Variants in FBXL13 observed in about 807,000 individuals in gnomAD.
The protein encoded by FBXL13 is F-box and leucine rich repeat protein 13.
Under a neutral mutation model 83.6 loss-of-function variants are expected in FBXL13, and 67 were observed. The observed-to-expected ratio is 0.80, with a 90% CI of 0.66 to 0.98. The LOEUF (loss-of-function observed/expected upper bound fraction) is 0.98, where lower values mean the gene tolerates loss of function less well. Ranked by LOEUF, FBXL13 falls within the 50% of genes least tolerant of loss-of-function variation. The pLI, the probability that FBXL13 is intolerant of heterozygous loss-of-function variation, is 0.00. For missense variants in FBXL13, 822 were observed against 866.5 expected (o/e 0.95, Z 0.64); for synonymous variants, 272 against 299.5 (o/e 0.91, Z 0.95).
intron 17 of FBXL13, among the ~76,000 whole-genome samples, chr7:102,847,770 C>G (rs1804285279): frequency 6.6e-6 from 1 of 151,994 alleles, no homozygotes; most frequent in African/African-American, 2.4e-5. Flanking sequence ...CTCAGGTAAC[C>G]CACCCACCTC....
chr7:103,055,008 C>T (rs1353634527), intron 2 of FBXL13, 80 bp downstream of exon 3: 25 of 872,342 alleles, frequency 2.9e-5, no homozygotes, highest in Non-Finnish European at 3.8e-5. Flanking sequence ...CTCACACCTC[C>T]CATAAATATA....
chr7:102,918,493 A>C (rs4457268), intron 10 of FBXL13, among the ~76,000 whole-genome samples: 8 of 152,242 alleles, frequency 5.3e-5, no homozygotes, highest in African/African-American at 1.9e-4. Flanking sequence ...ATATGTTTTA[A>C]GTTAAAAAAT....
At chr7:103,045,138 G>T (rs76352118) in intron 2 of FBXL13, among the ~76,000 whole-genome samples, 4 of 152,172 alleles carry the variant, frequency 2.6e-5, no homozygotes, top group Non-Finnish European at 5.9e-5. Context: ...GCAGAAATTG[G>T]AAGTGAGGTA....
chr7:102,860,496 T>C (rs1181479782), intron 16 of FBXL13, among the ~76,000 whole-genome samples: 1 of 152,152 alleles, frequency 6.6e-6, no homozygotes, highest in Admixed American at 6.5e-5. Context: ...TAGTTCAGTT[T>C]GGGGTCACTG....
At chr7:102,839,883 T>C (rs1411028160) in intron 17 of FBXL13, among the ~76,000 whole-genome samples, 1 of 152,018 alleles carries the variant, frequency 6.6e-6, no homozygotes, top group Non-Finnish European at 1.5e-5. Context: ...AAAATAAATC[T>C]GACATTTCTA....
intron 2 of FBXL13, among the ~76,000 whole-genome samples, chr7:103,032,422 C>T (rs1370778989): frequency 6.6e-6 from 1 of 152,150 alleles, no homozygotes; most frequent in Non-Finnish European, 1.5e-5. Flanking sequence ...TTCTTTGCAA[C>T]CACAATTCCA....
chr7:102,886,701 G>A (rs1584783631), intron 11 of FBXL13, among the ~76,000 whole-genome samples: 1 of 152,264 alleles, frequency 6.6e-6, no homozygotes, highest in East Asian at 1.9e-4. Flanking sequence ...AATAAATGGA[G>A]GAATGTATGA....
intron 1 of FBXL13, among the ~76,000 whole-genome samples, chr7:103,071,508 T>C (rs1798952095): frequency 6.6e-6 from 1 of 151,594 alleles, no homozygotes; most frequent in Non-Finnish European, 1.5e-5. Context: ...CTCAGCCTCA[T>C]GAGTAGCAGG....
chr7:102,848,132 C>CCTGCTAATGACATTAGCACCTGG (rs1002545508), intron 17 of FBXL13, among the ~76,000 whole-genome samples: 3 of 152,262 alleles, frequency 2.0e-5, no homozygotes, highest in Admixed American at 1.3e-4. Flanking sequence ...CTGATTTTCT[C>CCTGCTAATGACATTAGCACCTGG]CTGCTAATGA....
intron 8 of FBXL13, chr7:102,939,500 C>T (rs144200223): frequency 1.0e-4 from 161 of 1,613,804 alleles, no homozygotes; most frequent in Middle Eastern, 4.9e-4. Context: ...ATAAAATCAA[C>T]CAACTTCGAC....
At chr7:102,837,008 A>G (rs1023008702) in intron 17 of FBXL13, among the ~76,000 whole-genome samples, 2 of 152,228 alleles carry the variant, frequency 1.3e-5, no homozygotes, top group East Asian at 3.8e-4. Flanking sequence ...ACCATTTTCT[A>G]TAATGAAGAC....
intron 11 of FBXL13, among the ~76,000 whole-genome samples, chr7:102,911,053 G>A (rs575125422): frequency 4.6e-5 from 7 of 152,254 alleles, no homozygotes; most frequent in African/African-American, 1.2e-4. Flanking sequence ...GAGCCACCGC[G>A]CCCAGCCTAA....
intron 6 of FBXL13, among the ~76,000 whole-genome samples, chr7:102,995,329 A>G (rs1372748754): frequency 6.6e-6 from 1 of 151,498 alleles, no homozygotes; most frequent in Non-Finnish European, 1.5e-5. Flanking sequence ...AAAATACAAA[A>G]AATTAGCTGG....
chr7:103,043,774 A>G (rs1010686848), intron 2 of FBXL13, among the ~76,000 whole-genome samples: 1 of 152,218 alleles, frequency 6.6e-6, no homozygotes, highest in African/African-American at 2.4e-5. Context: ...TTGGCCTCCC[A>G]AAGTGCTGGG....
intron 1 of FBXL13, among the ~76,000 whole-genome samples, chr7:103,060,020 TTATATATATATATATATATATATATA>T (rs772728840): frequency 0.081 from 4,049 of 50,198 alleles, 435 homozygotes; most frequent in Admixed American, 0.11. Context: ...GCAAGATATT[TTATATATATATATATATATATATATA>T]TATATATATA....
rs189920071 is a variant in FBXL13, at chr7:103,037,322, G to A, written c.1-7904C>T. ...CCAACTGATTCTTATTTGGGGCACAGGCATTGTCTGCCTCTCCCAAATGAT... is the reference window on the plus strand; with the variant it reads ...CCAACTGATTCTTATTTGGGGCACAAGCATTGTCTGCCTCTCCCAAATGAT... On this transcript the variant is annotated intron_variant, in intron 2 of 19. Transcript: ENST00000313221. Among the ~76,000 whole-genome samples, 534 of 152,254 alleles carry A rather than the reference G, an allele frequency of 3.5e-3. 4 individuals are homozygous for A. Among genetic ancestry groups the A allele is most frequent in the African/African-American group, 0.012 (517 of 41,552 alleles).
Position 102,854,950 on chromosome 7 carries a change from TAAAA to T in FBXL13, c.1636-94_1636-91del, listed in dbSNP as rs2129451517. The stretch of plus-strand genomic sequence containing the variant: ...TAACCATTTATACAAACTGACAACA[TAAAA>T]AACCATTTATGAAAACTAATAAATT... On this transcript the variant is annotated intron_variant, in intron 16 of 19. Coordinates refer to ENST00000313221, the Ensembl canonical transcript of FBXL13. 3 of 668,564 alleles carry T rather than the reference TAAAA, an allele frequency of 4.5e-6. No individual in the cohort carries two copies. In the South Asian group the frequency reaches 9.7e-5, roughly 22 times the overall value. The allele number at this position is 668,564 out of a possible 1,614,324, so 41.4% of individuals were successfully genotyped here. A position where few individuals can be genotyped will look rare whatever the true frequency, so the allele number is the denominator to read the frequency against.
intron 2 of FBXL13, among the ~76,000 whole-genome samples, chr7:103,045,239 G>T (rs1247101338): frequency 6.6e-6 from 1 of 152,212 alleles, no homozygotes; most frequent in African/African-American, 2.4e-5. Flanking sequence ...AAGTATGGCT[G>T]CTGGGATTGG....
At chr7:103,020,585 C>T (rs1359632390) in intron 6 of FBXL13, among the ~76,000 whole-genome samples, 1 of 152,182 alleles carries the variant, frequency 6.6e-6, no homozygotes. Flanking sequence ...TAGAAAACCC[C>T]ATCGTCTCAG....
Sources: gnomAD v4.1 joint callset for allele counts (sites outside exome capture counted in the v4.1 genomes callset) on GRCh38, gnomAD v4.1.1 for gene constraint, MANE v1.5 for transcripts, NCBI Gene and HGNC (gene_info 2026-07-23, HGNC 2026-07-21) for gene names.